WFDC2: variants seen among roughly 807,000 people sequenced by gnomAD.
The protein encoded by WFDC2 is WAP four-disulfide core domain protein 2.
Under a neutral mutation model 12.5 loss-of-function variants are expected in WFDC2, and 8 were observed. That is an observed-to-expected ratio of 0.64 (90% CI 0.37 to 1.15). WFDC2 has a LOEUF of 1.15. Ranked by LOEUF, WFDC2 falls within the 50% of genes most tolerant of loss-of-function variation. The probability of loss-of-function intolerance (pLI) is 0.01; values close to 1 mark genes in which losing one functional copy is unlikely to be tolerated. For missense variants in WFDC2, 166 were observed against 159.9 expected (o/e 1.04, Z -0.21); for synonymous variants, 74 against 67.2 (o/e 1.10, Z -0.49).
rs1776677248 is a variant in WFDC2, at chr20:45,481,487, C to T, written c.*118C>T. The T allele has an allele frequency of 6.6e-6, 1 of 152,330 alleles. No homozygotes were observed. Among genetic ancestry groups the T allele is most frequent in the Non-Finnish European group, 1.5e-5 (1 of 68,094 alleles). The allele number at this position is 152,330 out of a possible 1,614,324, so 9.4% of individuals were successfully genotyped here. A position where few individuals can be genotyped will look rare whatever the true frequency, so the allele number is the denominator to read the frequency against. ...GACTCTGTATTCCCTCTTGGGCTGA[C>T]CACAGCTTCTCCCTTTCCCAACCAA... On this transcript the variant is annotated 3_prime_UTR_variant, in exon 4 of 4. Transcript: ENST00000372676.
At chr20:45,471,258 C>T (rs992475676) in intron 2 of WFDC2, 34 of 448,986 alleles carry the variant, frequency 7.6e-5, no homozygotes, top group Middle Eastern at 3.3e-4. Flanking sequence ...ATTGAGTGAG[C>T]GCGAGCTGGG....
At chr20:45,473,362 G>A (rs1395788290) in intron 2 of WFDC2, among the ~76,000 whole-genome samples, 1 of 152,144 alleles carries the variant, frequency 6.6e-6, no homozygotes, top group East Asian at 1.9e-4. Context: ...TTTTGCATAA[G>A]GTGTAAGGAA....
At chr20:45,480,810 T>C (rs1404280404) in intron 3 of WFDC2, among the ~76,000 whole-genome samples, 2 of 152,018 alleles carry the variant, frequency 1.3e-5, no homozygotes, top group African/African-American at 2.4e-5. Flanking sequence ...GGAACTATGG[T>C]TTCTCTAAAC....
At chr20:45,473,827 T>A (rs530273576) in intron 2 of WFDC2, among the ~76,000 whole-genome samples, 63 of 152,302 alleles carry the variant, frequency 4.1e-4, no homozygotes, top group African/African-American at 1.5e-3. Flanking sequence ...ATGGATTGTT[T>A]TTCCATTTGT....
chr20:45,479,781 G>A (rs1007017582), intron 2 of WFDC2, 161 bp from the exon 3 acceptor site: 2 of 1,613,780 alleles, frequency 1.2e-6, no homozygotes, highest in East Asian at 4.5e-5. Context: ...TGATCTTCCT[G>A]GGCCTCCTGA....
At chr20:45,473,447 C>T (rs1361435922) in intron 2 of WFDC2, among the ~76,000 whole-genome samples, 1 of 152,156 alleles carries the variant, frequency 6.6e-6, no homozygotes, top group African/African-American at 2.4e-5. Flanking sequence ...GGAATCCTTT[C>T]CCCATTGCTT....
chr20:45,470,446 C>A lies in WFDC2; in HGVS notation c.137C>A (p.Thr46Lys). ...GAGCTCCAGGCTGACCAGAACTGCACGCAAGAGTGCGTCTCGGACAGCGAA... is the reference window on the plus strand; with the variant it reads ...GAGCTCCAGGCTGACCAGAACTGCAAGCAAGAGTGCGTCTCGGACAGCGAA... ...CPELQADQNCTQECVSDSECA... is the reference protein window; with the variant it reads ...CPELQADQNCKQECVSDSECA... The change falls in exon 2 of 4, where the codon ACG becomes AAG. Residue 46 changes from threonine to lysine, a missense_variant. Transcript: ENST00000372676. This position sits in a 1 kb window ranked among gnomAD's most constrained non-coding sequence, Gnocchi z 5.4. 1.3e-6 allele frequency: 2 copies of A among 1,594,574 alleles called. No individual in the cohort carries two copies. The highest frequency in any genetic ancestry group is 2.3e-5 in the South Asian group (2 of 88,074).
In WFDC2 at chr20:45,472,548, TTG is replaced by T. The variant is rs1991185652; in HGVS notation, c.223+2017_223+2018del. 2.0e-5 allele frequency among the ~76,000 whole-genome samples: 3 copies of T among 151,432 alleles called. No individual in the cohort carries two copies. In the East Asian group the frequency reaches 6.4e-4, roughly 32 times the overall value. On this transcript the variant is annotated intron_variant, in intron 2 of 3. Transcript: ENST00000372676. Reference sequence around the variant, plus strand: ...GGGCATTTGGGTTGGTTCCAAGTCTTTGCTATTGTGAACAGTGCTGCAATAAA... The same window carrying T: ...GGGCATTTGGGTTGGTTCCAAGTCTTCTATTGTGAACAGTGCTGCAATAAA...
rs2145507581 is a variant in WFDC2 at position 45,479,928 on chromosome 20, C to CT, written c.224-9dup. 8 of 1,614,218 alleles carry CT rather than the reference C, an allele frequency of 5.0e-6. No individual in the cohort carries two copies. The highest frequency in any genetic ancestry group is 6.8e-6 in the Non-Finnish European group (8 of 1,180,034). ...CGCCTCTGCCCACTTACCCTTACTC[C>CT]TTTTTCTACCCAGATAAGGAGGGTT... On this transcript the variant is annotated splice_polypyrimidine_tract_variant and intron_variant, in intron 2 of 3. Coordinates refer to ENST00000372676, the MANE Select transcript of WFDC2 (RefSeq NM_006103.4).
In WFDC2 at chr20:45,470,830, CG is replaced by C. The variant is rs1991162226; in HGVS notation, c.223+302del. 6.6e-6 allele frequency among the ~76,000 whole-genome samples: 1 copy of C among 152,162 alleles called. No homozygotes were observed. The highest frequency in any genetic ancestry group is 6.5e-5 in the Admixed American group (1 of 15,286). ...CATTGTTCCCCGCGGCCTGGGGACC[CG>C]GGGCCGCAGTTTCCTTCTCGAACCG... is the stretch of plus-strand genomic sequence containing the variant. On this transcript the variant is annotated intron_variant, in intron 2 of 3. Coordinates refer to ENST00000372676, the MANE Select transcript of WFDC2 (RefSeq NM_006103.4). This position sits in a 1 kb window ranked among gnomAD's most constrained non-coding sequence, Gnocchi z 5.4.
intron 2 of WFDC2, among the ~76,000 whole-genome samples, chr20:45,477,768 C>T (rs931001164): frequency 6.6e-6 from 1 of 152,240 alleles, no homozygotes; most frequent in Non-Finnish European, 1.5e-5. Flanking sequence ...ACAGCTGCCC[C>T]TTCCCCCAGG....
chr20:45,475,803 G>A (rs148139842), intron 2 of WFDC2, among the ~76,000 whole-genome samples: 11 of 152,218 alleles, frequency 7.2e-5, no homozygotes, highest in East Asian at 5.8e-4. Flanking sequence ...TTATTATGTC[G>A]GAGTCTAAGT....
At chr20:45,476,004 T>G (rs1991228162) in intron 2 of WFDC2, among the ~76,000 whole-genome samples, 1 of 151,484 alleles carries the variant, frequency 6.6e-6, no homozygotes, top group South Asian at 2.1e-4. Flanking sequence ...CAACCCCTGA[T>G]TTTTTTTTGC....
At chr20:45,472,044 T>A (rs1368757106) in intron 2 of WFDC2, among the ~76,000 whole-genome samples, 1 of 152,230 alleles carries the variant, frequency 6.6e-6, no homozygotes, top group Non-Finnish European at 1.5e-5. Context: ...CAGCCCAATA[T>A]TACAGGTTCC....
chr20:45,480,478 G>T (rs1397622482), intron 3 of WFDC2, among the ~76,000 whole-genome samples: 1 of 152,018 alleles, frequency 6.6e-6, no homozygotes. Flanking sequence ...AATTTAATGG[G>T]TGTGGTGGCG....
At chr20:45,474,347 C>T (rs183033358) in intron 2 of WFDC2, among the ~76,000 whole-genome samples, 1 of 152,214 alleles carries the variant, frequency 6.6e-6, no homozygotes, top group East Asian at 1.9e-4. Flanking sequence ...CTTTGAGATA[C>T]CTTCCATCAA....
In WFDC2 at chr20:45,470,285, AGAGACT is replaced by A; in HGVS notation, c.80-99_80-94del. 6.9e-7 allele frequency: 1 copy of A among 1,448,542 alleles called. No individual in the cohort carries two copies. The highest frequency in any genetic ancestry group is 2.4e-5 in the Admixed American group (1 of 41,398). 89.7% of individuals were successfully genotyped at this position (1,448,542 alleles called of 1,614,324 possible). A position where few individuals can be genotyped will look rare whatever the true frequency, so the allele number is the denominator to read the frequency against. Reference sequence around the variant, plus strand: ...GGGCTGTAAGGGGACTCCTAGGGCCAGAGACTGAGAATTCCTTGGGGTTAAGGTTTG... The same window carrying A: ...GGGCTGTAAGGGGACTCCTAGGGCCAGAGAATTCCTTGGGGTTAAGGTTTG... On this transcript the variant is annotated intron_variant, in intron 1 of 3. Coordinates refer to ENST00000372676, the MANE Select transcript of WFDC2 (RefSeq NM_006103.4). The surrounding 1 kb of genome is among the most constrained non-coding windows in gnomAD (Gnocchi z 5.4).
chr20:45,470,038 C>G lies in WFDC2; in HGVS notation c.79+178C>G, dbSNP rs1011488768. Reference sequence around the variant, plus strand: ...CAATGTGCTGGAGGTGGAGAGACCACTGATGGCTGCAATTTGGGAGGATTC... The same window carrying G: ...CAATGTGCTGGAGGTGGAGAGACCAGTGATGGCTGCAATTTGGGAGGATTC... On this transcript the variant is annotated intron_variant, in intron 1 of 3. Coordinates refer to ENST00000372676, the MANE Select transcript of WFDC2 (RefSeq NM_006103.4). This position sits in a 1 kb window ranked among gnomAD's most constrained non-coding sequence, Gnocchi z 5.4. Among the ~76,000 whole-genome samples the G allele has an allele frequency of 6.6e-6, 1 of 152,186 alleles. No homozygotes were observed. The highest frequency in any genetic ancestry group is 1.5e-5 in the Non-Finnish European group (1 of 68,034).
intron 2 of WFDC2, among the ~76,000 whole-genome samples, chr20:45,478,190 C>T (rs1420503421): frequency 6.6e-6 from 1 of 152,124 alleles, no homozygotes; most frequent in Admixed American, 6.5e-5. Flanking sequence ...CACTGGCATT[C>T]CAGGCACCAC....
Sources: allele counts gnomAD v4.1 joint callset (sites outside exome capture counted in the v4.1 genomes callset), GRCh38; gene constraint gnomAD v4.1.1; non-coding constraint Gnocchi (gnomAD v3.1); transcripts MANE v1.5; gene names NCBI Gene and HGNC (gene_info 2026-07-23, HGNC 2026-07-21).